MYRFL: variants seen among roughly 807,000 people sequenced by gnomAD.
The protein encoded by MYRFL is myelin regulatory factor like.
A neutral mutation model predicts 109.4 loss-of-function variants in MYRFL; 88 were observed. That is an observed-to-expected ratio of 0.80 (90% CI 0.68 to 0.96). The LOEUF (loss-of-function observed/expected upper bound fraction) is 0.96. MYRFL is among the 40% of genes least tolerant of loss of function. MYRFL has a pLI of 0.00. For missense variants in MYRFL, 957 were observed against 954.9 expected (o/e 1.00, Z -0.03); for synonymous variants, 324 against 320.9 (o/e 1.01, Z -0.10).
At chr12:69,864,654 C>A (rs1005696623) in intron 2 of MYRFL, among the ~76,000 whole-genome samples, 1 of 36,698 alleles carries the variant, frequency 2.7e-5, no homozygotes, top group Admixed American at 4.3e-4. Context: ...CACACACACA[C>A]ACACACACAC....
intron 13 of MYRFL, among the ~76,000 whole-genome samples, chr12:69,923,211 A>C (rs1954965650): frequency 6.6e-6 from 1 of 152,164 alleles, no homozygotes; most frequent in Admixed American, 6.6e-5. Context: ...ACCCAACCAC[A>C]GTACTCTGTG....
intron 15 of MYRFL, among the ~76,000 whole-genome samples, chr12:69,930,450 T>C (rs1248568384): frequency 6.6e-6 from 1 of 152,052 alleles, no homozygotes; most frequent in African/African-American, 2.4e-5. Flanking sequence ...TACGTAGGAC[T>C]CAGGATGAGA....
chr12:69,871,652 T>A (rs1885363566), intron 2 of MYRFL, among the ~76,000 whole-genome samples: 1 of 152,202 alleles, frequency 6.6e-6, no homozygotes, highest in African/African-American at 2.4e-5. Context: ...TTATATCACA[T>A]CTTACATTCA....
intron 2 of MYRFL, among the ~76,000 whole-genome samples, chr12:69,868,868 A>G (rs539360386): frequency 2.6e-5 from 4 of 152,268 alleles, no homozygotes; most frequent in East Asian, 1.9e-4. Flanking sequence ...GTGCACACAC[A>G]CGCGCACACA....
intron 10 of MYRFL, among the ~76,000 whole-genome samples, chr12:69,901,190 A>G (rs572182945): frequency 6.6e-6 from 1 of 152,214 alleles, no homozygotes; most frequent in Non-Finnish European, 1.5e-5. Flanking sequence ...AACAATAAAA[A>G]TATTTTAGAC....
intron 2 of MYRFL, among the ~76,000 whole-genome samples, chr12:69,877,087 G>A (rs1885728809): frequency 6.8e-6 from 1 of 147,366 alleles, no homozygotes; most frequent in Non-Finnish European, 1.5e-5. Context: ...GCAGTGGCGC[G>A]ATCTTGGCTC....
At position 69,910,032 on chromosome 12, in the gene MYRFL, CCT is replaced by C; in HGVS notation, c.1448_1449del (p.Pro483ArgfsTer34). 6.5e-7 allele frequency: 1 copy of C among 1,534,666 alleles called. No individual in the cohort carries two copies. The highest frequency in any genetic ancestry group is 1.4e-5 in the African/African-American group (1 of 73,058). Reference protein sequence around the residue: ...QMRIVEYDYKPEFASAMGINT... With the variant: ...QMRIVEYDYKXEFASAMGINT... The stretch of plus-strand genomic sequence containing the variant: ...GAGAATTGTTGAATATGACTACAAA[CCT>C]GAATTTGCATCTGCAATGGGAATAA... On this transcript the variant is annotated frameshift_variant, in exon 12 of 25. Coordinates refer to ENST00000552032, the MANE Select transcript of MYRFL (RefSeq NM_182530.3). LOFTEE classifies it high-confidence loss of function.
chr12:69,932,690 A>C, intron 16 of MYRFL, 92 bp downstream of exon 16: 1 of 921,660 alleles, frequency 1.1e-6, no homozygotes, highest in Non-Finnish European at 1.7e-6. Context: ...TGGCCTGTTT[A>C]CTTTGAAGAC....
At chr12:69,895,536 A>C (rs1953960935) in intron 9 of MYRFL, 55 bp downstream of exon 9, 1 of 1,468,606 alleles carries the variant, frequency 6.8e-7, no homozygotes. Flanking sequence ...TCTGGCCAGG[A>C]AGTGCCCTCC....
chr12:69,855,416 T>C, intron 2 of MYRFL, 46 bp downstream of exon 2: 1 of 698,560 alleles, frequency 1.4e-6, no homozygotes, highest in Non-Finnish European at 2.6e-6. Flanking sequence ...TAAAATATTA[T>C]GAAATGATTA....
chr12:69,922,868 G>C (rs1954955382), intron 13 of MYRFL, among the ~76,000 whole-genome samples: 1 of 152,080 alleles, frequency 6.6e-6, no homozygotes, highest in Non-Finnish European at 1.5e-5. Flanking sequence ...TGTTTCATTA[G>C]GTGTTGGAAA....
chr12:69,878,576 TGC>T (rs1885841549), intron 2 of MYRFL, among the ~76,000 whole-genome samples: 1 of 152,232 alleles, frequency 6.6e-6, no homozygotes, highest in East Asian at 1.9e-4. Context: ...ATTCAATCAG[TGC>T]CATTGGGATA....
rs1483857016 is a variant in MYRFL at position 69,957,882 on chromosome 12, T to C, written c.2511T>C (p.His837=). 1.3e-6 allele frequency: 2 copies of C among 1,534,932 alleles called. No individual in the cohort carries two copies. Among genetic ancestry groups the C allele is most frequent in the African/African-American group, 1.4e-5 (1 of 73,024 alleles). ...CKFTLGNICF[H]SKRGTKGLES... ...TCACCCTTGGAAATATATGTTTCCA[T>C]AGTAAAAGGGGAACCAAAGGGCTGG... The change falls in exon 23 of 25, where the codon CAT becomes CAC. Residue 837 remains histidine (H), a synonymous_variant. Transcript: ENST00000552032.
chr12:69,956,931 G>A (rs1200453550), intron 22 of MYRFL, among the ~76,000 whole-genome samples: 1 of 152,160 alleles, frequency 6.6e-6, no homozygotes, highest in Non-Finnish European at 1.5e-5. Flanking sequence ...TTAGTGGAAG[G>A]AAATAAGGTT....
chr12:69,889,513 T>C lies in MYRFL; in HGVS notation c.708-1458T>C, dbSNP rs142721101. 4.6e-3 allele frequency among the ~76,000 whole-genome samples: 707 copies of C among 152,304 alleles called. 10 individuals carry two copies. The highest frequency in any genetic ancestry group is 0.016 in the African/African-American group (661 of 41,584). On this transcript the variant is annotated intron_variant, in intron 6 of 24. Coordinates refer to ENST00000552032, the MANE Select transcript of MYRFL (RefSeq NM_182530.3). ...TACCCTAATCCAAAAATCTGAAATC[T>C]GAAATGCTCCAGTGAGCATTTCTTT... is the stretch of plus-strand genomic sequence containing the variant.
In MYRFL at chr12:69,936,588, A is replaced by G; in HGVS notation, c.2180A>G (p.Gln727Arg). Residue 727 changes from glutamine to arginine, a missense_variant, in exon 19 of 25, where the codon CAA becomes CGA. Coordinates refer to ENST00000552032, the MANE Select transcript of MYRFL (RefSeq NM_182530.3). ...GMKEVSSSPV[Q>R]RQSEEKEFHQ... is the part of the protein sequence containing the mutation. ...AAAGAAGTCTCTTCAAGTCCTGTGC[A>G]AAGACAATCTGAGGAGAAGGAATTC... The G allele has an allele frequency of 6.5e-7, 1 of 1,535,178 alleles. No individual in the cohort carries two copies. Among genetic ancestry groups the G allele is most frequent in the Non-Finnish European group, 8.7e-7 (1 of 1,146,202 alleles).
chr12:69,956,652 A>T (rs1448352664), intron 22 of MYRFL, among the ~76,000 whole-genome samples: 2 of 148,832 alleles, frequency 1.3e-5, no homozygotes, highest in East Asian at 2.0e-4. Flanking sequence ...TCCATCCTTC[A>T]CCGCACGCCT....
chr12:69,846,994 T>G (rs554832168), intron 1 of MYRFL, among the ~76,000 whole-genome samples: 1 of 152,270 alleles, frequency 6.6e-6, no homozygotes, highest in Non-Finnish European at 1.5e-5. Context: ...CATAAATGTC[T>G]TCTTTTGAGA....
At chr12:69,856,493 G>A (rs533197686) in intron 2 of MYRFL, among the ~76,000 whole-genome samples, 1 of 152,118 alleles carries the variant, frequency 6.6e-6, no homozygotes, top group South Asian at 2.1e-4. Flanking sequence ...TAGAGTGGTG[G>A]TACCACTTTG....
Sources: allele counts gnomAD v4.1 joint callset (sites outside exome capture counted in the v4.1 genomes callset), GRCh38; gene constraint gnomAD v4.1.1; transcripts MANE v1.5; gene names NCBI Gene and HGNC (gene_info 2026-07-23, HGNC 2026-07-21).